Variants in ADAM18 observed in about 807,000 individuals in gnomAD.
ADAM18 encodes ADAM metallopeptidase domain 18.
In ADAM18, 117 loss-of-function variants were observed where a neutral mutation model predicts 94.4. That is an observed-to-expected ratio of 1.24 (90% confidence interval 1.07 to 1.45). The LOEUF is 1.45. Among genes scored for constraint, ADAM18 ranks in the 40% most tolerant of loss-of-function variants. The pLI is 0.00. For missense variants in ADAM18, 936 were observed against 880.0 expected (o/e 1.06, Z -0.81); for synonymous variants, 327 against 291.6 (o/e 1.12, Z -1.24).
intron 16 of ADAM18, among the ~76,000 whole-genome samples, chr8:39,686,045 CTG>C (rs1563306327): frequency 6.6e-6 from 1 of 152,154 alleles, no homozygotes; most frequent in Non-Finnish European, 1.5e-5. Context: ...TGTGAGAAAA[CTG>C]AGGTTTTCTC....
chr8:39,664,375 T>C (rs1183838945), intron 13 of ADAM18, among the ~76,000 whole-genome samples: 1 of 152,162 alleles, frequency 6.6e-6, no homozygotes, highest in Non-Finnish European at 1.5e-5. Context: ...TGTGTGTAAG[T>C]TATATACAAA....
rs1483252098 is a variant in ADAM18 at position 39,667,720 on chromosome 8, C to T, written c.1327-278C>T. Among the ~76,000 whole-genome samples the T allele has an allele frequency of 2.6e-5, 4 of 152,156 alleles. No homozygotes were observed. The East Asian group carries it at 7.7e-4, about 29-fold the overall frequency. ...AGGAACAGGTATGTTTAATCTAATG[C>T]TGTTTGAGTCAGCTTATTTCAAAAT... On this transcript the variant is annotated intron_variant, in intron 13 of 19. Transcript: ENST00000265707.
intron 16 of ADAM18, among the ~76,000 whole-genome samples, chr8:39,686,006 A>G (rs2129580704): frequency 6.6e-6 from 1 of 152,278 alleles, no homozygotes; most frequent in African/African-American, 2.4e-5. Context: ...TTTCCTACCA[A>G]TGCTCTGATC....
intron 7 of ADAM18, among the ~76,000 whole-genome samples, chr8:39,634,360 C>G (rs1195858464): frequency 6.6e-6 from 1 of 152,150 alleles, no homozygotes; most frequent in Non-Finnish European, 1.5e-5. Flanking sequence ...GACATAGGTG[C>G]TGGGCCACCC....
intron 19 of ADAM18, among the ~76,000 whole-genome samples, chr8:39,725,894 G>T (rs1822893106): frequency 6.6e-6 from 1 of 152,092 alleles, no homozygotes. Context: ...ACATCATATG[G>T]TAGTTCTATT....
chr8:39,679,947 A>C, intron 15 of ADAM18, 90 bp from the exon 16 acceptor site: 1 of 1,220,066 alleles, frequency 8.2e-7, no homozygotes, highest in Non-Finnish European at 1.2e-6. Context: ...ACTATCAATT[A>C]ACAGTATGTT....
At chr8:39,593,466 A>G (rs1818640107) in intron 2 of ADAM18, among the ~76,000 whole-genome samples, 1 of 152,192 alleles carries the variant, frequency 6.6e-6, no homozygotes, top group Non-Finnish European at 1.5e-5. Context: ...AGTTAGAGGC[A>G]TCATACTTCC....
intron 18 of ADAM18, among the ~76,000 whole-genome samples, chr8:39,715,348 C>G (rs1822539041): frequency 6.6e-6 from 1 of 151,744 alleles, no homozygotes; most frequent in Non-Finnish European, 1.5e-5. Context: ...AAATGCACAG[C>G]ATGGAATGCG....
chr8:39,620,659 A>G (rs28847161), intron 6 of ADAM18, among the ~76,000 whole-genome samples: 1 of 147,746 alleles, frequency 6.8e-6, no homozygotes, highest in African/African-American at 2.5e-5. Context: ...GTTATATATA[A>G]AAATATAACT....
intron 12 of ADAM18, among the ~76,000 whole-genome samples, chr8:39,661,433 C>T (rs910321350): frequency 1.1e-4 from 16 of 151,116 alleles, no homozygotes; most frequent in Non-Finnish European, 2.1e-4. Context: ...CTCAGCCTCC[C>T]AAAGTGCTGA....
intron 5 of ADAM18, among the ~76,000 whole-genome samples, 167 bp downstream of exon 5, chr8:39,609,728 T>G (rs1159180487): frequency 6.6e-6 from 1 of 152,184 alleles, no homozygotes; most frequent in Non-Finnish European, 1.5e-5. Flanking sequence ...TACTTAGACC[T>G]AAGGGCCTAT....
In ADAM18 at chr8:39,670,205, C is replaced by G. The variant is rs12681172; in HGVS notation, c.1525+2009C>G. ...AATTTGTTTGAGTTCATTGTAGATT[C>G]TGGATATTAGCCCTTTGTCAGATGA... On this transcript the variant is annotated intron_variant, in intron 14 of 19. Coordinates refer to ENST00000265707, the MANE Select transcript of ADAM18 (RefSeq NM_014237.3). Among the ~76,000 whole-genome samples the G allele has an allele frequency of 1.1e-3, 173 of 152,084 alleles. 4 individuals carry two copies. The East Asian group carries it at 0.028, about 25-fold the overall frequency.
chr8:39,716,019 C>A (rs1456732133), intron 18 of ADAM18, among the ~76,000 whole-genome samples: 1 of 151,970 alleles, frequency 6.6e-6, no homozygotes, highest in Non-Finnish European at 1.5e-5. Flanking sequence ...TGTCTCTCAT[C>A]AATTTCTCAT....
chr8:39,717,907 T>TATTAAAAACCCA (rs1331945402), intron 18 of ADAM18, among the ~76,000 whole-genome samples: 2 of 151,510 alleles, frequency 1.3e-5, no homozygotes, highest in East Asian at 3.9e-4. Context: ...TTATAACTTG[T>TATTAAAAACCCA]TTAAAAAATG....
intron 14 of ADAM18, among the ~76,000 whole-genome samples, chr8:39,674,316 G>A (rs1057336518): frequency 4.6e-5 from 7 of 152,118 alleles, no homozygotes; most frequent in Admixed American, 4.6e-4. Context: ...CCTGTATTGG[G>A]TGCATGTATA....
At chr8:39,722,209 GTGTGTGTGTATATATATA>G (rs1563321332) in intron 18 of ADAM18, among the ~76,000 whole-genome samples, 2 of 73,158 alleles carry the variant, frequency 2.7e-5, no homozygotes, top group South Asian at 4.3e-4. Flanking sequence ...GTGTGTGTGT[GTGTGTGTGTATATATATA>G]TATATATATA....
At chr8:39,639,850 T>C (rs1371404398) in intron 10 of ADAM18, among the ~76,000 whole-genome samples, 1 of 152,054 alleles carries the variant, frequency 6.6e-6, no homozygotes, top group African/African-American at 2.4e-5. Flanking sequence ...TATATTACAC[T>C]TGATGCATAG....
At chr8:39,647,863 A>G (rs7832509) in intron 11 of ADAM18, among the ~76,000 whole-genome samples, 111,061 of 152,078 alleles carry the variant, frequency 0.73, 41,342 homozygotes, top group Middle Eastern at 0.79. Context: ...CAAAGTGGCT[A>G]GGGCAAAGTT....
intron 12 of ADAM18, among the ~76,000 whole-genome samples, chr8:39,659,368 A>AT (rs1431865358): frequency 6.6e-6 from 1 of 151,960 alleles, no homozygotes; most frequent in African/African-American, 2.4e-5. Flanking sequence ...GGAATGAATA[A>AT]TTTAAAAAAA....
Sources: allele counts gnomAD v4.1 joint callset (sites outside exome capture counted in the v4.1 genomes callset), GRCh38; gene constraint gnomAD v4.1.1; transcripts MANE v1.5; gene names NCBI Gene and HGNC (gene_info 2026-07-23, HGNC 2026-07-21).